Variants in RAB11FIP3 observed in about 807,000 individuals in gnomAD.
RAB11FIP3 encodes RAB11 family interacting protein 3, also known as rab11 family-interacting protein 3.
RAB11FIP3 carries 17 observed loss-of-function variants against 77.8 expected under a neutral mutation model. The ratio of observed to expected loss-of-function variants is 0.22; its 90% CI spans 0.15 to 0.33. The LOEUF is 0.33. RAB11FIP3 is among the 10% of genes least tolerant of loss of function. The pLI is 1.00. For synonymous variants in RAB11FIP3, 437 were observed against 448.2 expected, an observed-to-expected ratio of 0.98 and a Z score of 0.31; for missense variants, 1,005 against 1,011.2, an observed-to-expected ratio of 0.99 and a Z score of 0.08.
Position 505,215 on chromosome 16 carries a change from G to T in RAB11FIP3, c.1396-309G>T, listed in dbSNP as rs2031808509. ...TCTGGCTGAGCAGAGACCCAACTGT[G>T]TGTTGGGGGGCTGAGTCTTGCTGCC... On this transcript the variant is annotated intron_variant, in intron 7 of 13. Transcript: ENST00000262305. The surrounding 1 kb of genome is among the most constrained non-coding windows in gnomAD (Gnocchi z 4.0). 6.6e-6 allele frequency among the ~76,000 whole-genome samples: 1 copy of T among 151,996 alleles called. No homozygotes were observed. Among genetic ancestry groups the T allele is most frequent in the Non-Finnish European group, 1.5e-5 (1 of 68,012 alleles).
At chr16:478,470 C>T (rs1314802429) in intron 3 of RAB11FIP3, among the ~76,000 whole-genome samples, 1 of 152,090 alleles carries the variant, frequency 6.6e-6, no homozygotes, top group Non-Finnish European at 1.5e-5. Context: ...GGATTACAGG[C>T]ATTAACCACG....
intron 1 of RAB11FIP3, among the ~76,000 whole-genome samples, chr16:443,853 C>T (rs548168525): frequency 2.6e-4 from 39 of 152,280 alleles, no homozygotes; most frequent in African/African-American, 7.9e-4. Context: ...CATGAGCCAT[C>T]GCGCCCGGCC....
At chr16:495,054 G>A (rs2030995406) in intron 5 of RAB11FIP3, among the ~76,000 whole-genome samples, 1 of 126,802 alleles carries the variant, frequency 7.9e-6, no homozygotes, top group Non-Finnish European at 1.7e-5. Flanking sequence ...GCTGCAGCGA[G>A]CTGTGGTTGC....
chr16:488,163 G>A (rs1010391523), intron 4 of RAB11FIP3, among the ~76,000 whole-genome samples: 2 of 152,174 alleles, frequency 1.3e-5, no homozygotes, highest in African/African-American at 2.4e-5. Flanking sequence ...GGTGGATCAC[G>A]AGGTCAGGAG....
At chr16:476,068 C>T (rs1267463348) in intron 3 of RAB11FIP3, among the ~76,000 whole-genome samples, 2 of 152,184 alleles carry the variant, frequency 1.3e-5, no homozygotes, top group Non-Finnish European at 2.9e-5. Flanking sequence ...ATTGGCCAGG[C>T]TGGTCTCGAA....
In RAB11FIP3 at chr16:461,561, CT is replaced by C. The variant is rs2055605728; in HGVS notation, c.808+65del. The C allele has an allele frequency of 7.5e-7, 1 of 1,328,986 alleles. No homozygotes were observed. The highest frequency in any genetic ancestry group is 1.4e-5 in the African/African-American group (1 of 68,984). The allele number at this position is 1,328,986 out of a possible 1,614,324, so 82.3% of individuals were successfully genotyped here. A position where few individuals can be genotyped will look rare whatever the true frequency, so the allele number is the denominator to read the frequency against. On this transcript the variant is annotated intron_variant, in intron 2 of 13. Transcript: ENST00000262305. The surrounding 1 kb of genome is among the most constrained non-coding windows in gnomAD (Gnocchi z 4.5). ...GTTCCTCAGCCACCCTCTCAGCCAC[CT>C]GCACATCACCAGGCTCCTCGTGCTG...
intron 9 of RAB11FIP3, 50 bp downstream of exon 9, chr16:510,850 G>A: frequency 1.3e-6 from 2 of 1,594,850 alleles, no homozygotes; most frequent in Non-Finnish European, 1.7e-6. Flanking sequence ...AGGCCAGGTA[G>A]GAGACGGTCC....
rs1267964030 is a variant in RAB11FIP3 at position 521,065 on chromosome 16, A to G, written c.*226A>G. 6.8e-6 allele frequency: 4 copies of G among 586,620 alleles called. No individual in the cohort carries two copies. The East Asian group carries it at 8.5e-5, about 12-fold the overall frequency. 36.3% of individuals were successfully genotyped at this position (586,620 alleles called of 1,614,324 possible). A position where few individuals can be genotyped will look rare whatever the true frequency, so the allele number is the denominator to read the frequency against. Reference sequence around the variant, plus strand: ...AGGGAAGTCCCAGGGCCCGGGGTCCACAGAGGATGAGGGTTGTGGCAGGGC... The same window carrying G: ...AGGGAAGTCCCAGGGCCCGGGGTCCGCAGAGGATGAGGGTTGTGGCAGGGC... On this transcript the variant is annotated 3_prime_UTR_variant, in exon 14 of 14. Transcript: ENST00000262305.
chr16:431,177 G>A (rs2055029284), intron 1 of RAB11FIP3, among the ~76,000 whole-genome samples: 1 of 152,114 alleles, frequency 6.6e-6, no homozygotes, highest in Non-Finnish European at 1.5e-5. Flanking sequence ...TCAGGGATGT[G>A]TGTATGTGGG....
intron 5 of RAB11FIP3, among the ~76,000 whole-genome samples, chr16:495,340 G>A (rs575827040): frequency 6.6e-6 from 1 of 152,190 alleles, no homozygotes; most frequent in Non-Finnish European, 1.5e-5. Flanking sequence ...TGCAAACGGC[G>A]TGGTGGGGAC....
chr16:492,513 G>GC (rs1450222959), intron 5 of RAB11FIP3, among the ~76,000 whole-genome samples: 6 of 104,898 alleles, frequency 5.7e-5, no homozygotes, highest in East Asian at 2.2e-4. Context: ...GCCGCCCAGG[G>GC]CCCTCCCGGG....
chr16:432,878 A>G (rs1423114793), intron 1 of RAB11FIP3, among the ~76,000 whole-genome samples: 1 of 151,698 alleles, frequency 6.6e-6, no homozygotes, highest in African/African-American at 2.4e-5. Flanking sequence ...TGCTGGGATT[A>G]CAGGCATGAG....
At chr16:445,762 C>T (rs763631570) in intron 1 of RAB11FIP3, among the ~76,000 whole-genome samples, 37 of 152,212 alleles carry the variant, frequency 2.4e-4, no homozygotes, top group Non-Finnish European at 4.3e-4. Context: ...CCATTTCTCC[C>T]CATCTGTGCT....
intron 4 of RAB11FIP3, among the ~76,000 whole-genome samples, chr16:487,322 G>A (rs2056176227): frequency 6.6e-6 from 1 of 152,060 alleles, no homozygotes; most frequent in Admixed American, 6.6e-5. Flanking sequence ...AGTAGAGACA[G>A]GGTTTCACCG....
rs199867047 is a variant in RAB11FIP3, at chr16:461,535, C to A, written c.808+38C>A. 1,040 of 1,550,696 alleles carry A rather than the reference C, an allele frequency of 6.7e-4. 6 individuals carry two copies. The highest frequency in any genetic ancestry group is 4.1e-3 in the South Asian group (368 of 89,466). On this transcript the variant is annotated intron_variant, in intron 2 of 13. Transcript: ENST00000262305. This position sits in a 1 kb window ranked among gnomAD's most constrained non-coding sequence, Gnocchi z 4.5. ...CGCCATGAGCTCCCACCTCCTCTCC[C>A]GTTCCTCAGCCACCCTCTCAGCCAC...
intron 1 of RAB11FIP3, among the ~76,000 whole-genome samples, chr16:441,067 A>G (rs11648659): frequency 0.42 from 63,729 of 151,798 alleles, 15,014 homozygotes; most frequent in Middle Eastern, 0.54. Flanking sequence ...CTGCCTCCCG[A>G]GTAGCTGGGA....
chr16:444,038 C>T (rs1044204179), intron 1 of RAB11FIP3, among the ~76,000 whole-genome samples: 2 of 152,116 alleles, frequency 1.3e-5, no homozygotes, highest in Non-Finnish European at 2.9e-5. Flanking sequence ...CAAGTGTTTT[C>T]GTTCTTGTGC....
At chr16:497,064 C>T in intron 6 of RAB11FIP3, 1 of 603,354 alleles carries the variant, frequency 1.7e-6, no homozygotes, top group East Asian at 4.0e-5. Context: ...GGATTTGTGA[C>T]CAGGGAGGGT....
chr16:505,700 CT>C lies in RAB11FIP3; in HGVS notation c.1499+74del. On this transcript the variant is annotated intron_variant, in intron 8 of 13. Coordinates refer to ENST00000262305, the MANE Select transcript of RAB11FIP3 (RefSeq NM_014700.4). The surrounding 1 kb of genome is among the most constrained non-coding windows in gnomAD (Gnocchi z 4.0). ...CCCGCCTGTCAGCCCCCATTTACTT[CT>C]CTTTACCTCACACAGCAGGGGCTTG... 7 of 1,272,074 alleles carry C rather than the reference CT, an allele frequency of 5.5e-6. No individual in the cohort carries two copies. Among genetic ancestry groups the C allele is most frequent in the Non-Finnish European group, 7.6e-6 (7 of 920,152 alleles). 78.8% of individuals were successfully genotyped at this position (1,272,074 alleles called of 1,614,324 possible).
Sources: allele counts gnomAD v4.1 joint callset (sites outside exome capture counted in the v4.1 genomes callset), GRCh38; gene constraint gnomAD v4.1.1; non-coding constraint Gnocchi (gnomAD v3.1); transcripts MANE v1.5; gene names NCBI Gene and HGNC (gene_info 2026-07-23, HGNC 2026-07-21).